METTL13: variants seen among roughly 807,000 people sequenced by gnomAD.
METTL13 encodes eEF1A lysine and N-terminal methyltransferase.
In METTL13, 52 loss-of-function variants were observed where a neutral mutation model predicts 67.4. That is an observed-to-expected ratio of 0.77 (90% confidence interval 0.62 to 0.97). The LOEUF (loss-of-function observed/expected upper bound fraction) is 0.97, where lower values mean the gene tolerates loss of function less well. METTL13 is among the 50% of genes least tolerant of loss of function. The pLI is 0.00. For synonymous variants in METTL13, 354 were observed against 353.6 expected, an observed-to-expected ratio of 1.00 and a Z score of -0.01; for missense variants, 825 against 889.6, an observed-to-expected ratio of 0.93 and a Z score of 0.92.
Position 171,796,734 on chromosome 1 carries a change from TC to T in METTL13, c.2079del (p.Lys694ArgfsTer3). 6.2e-7 allele frequency: 1 copy of T among 1,613,938 alleles called. No homozygotes were observed. Among genetic ancestry groups the T allele is most frequent in the Non-Finnish European group, 8.5e-7 (1 of 1,179,882 alleles). On this transcript the variant is annotated frameshift_variant, in exon 8 of 8. Coordinates refer to ENST00000361735, the MANE Select transcript of METTL13 (RefSeq NM_015935.5). LOFTEE classifies it high-confidence loss of function. ...GACACGTATGTCTTGTCAGATATGC[TC>T]AAGACGGTGAAAATTGTGTGACTGC... The part of the protein sequence containing the change: ...WDDTYVLSDM[L>X]KTVKIV
intron 4 of METTL13, among the ~76,000 whole-genome samples, chr1:171,789,673 T>C (rs1057037129): frequency 2.0e-5 from 3 of 152,214 alleles, no homozygotes; most frequent in Admixed American, 2.0e-4. Context: ...TAAAAGACTT[T>C]ATGAGTAATC....
intron 3 of METTL13, 52 bp downstream of exon 3, chr1:171,786,130 C>T: frequency 6.5e-7 from 1 of 1,550,272 alleles, no homozygotes. Flanking sequence ...ATGTTAGCAG[C>T]CAGGGAGGCA....
At chr1:171,792,541 C>T (rs1015949342) in intron 6 of METTL13, among the ~76,000 whole-genome samples, 2 of 152,154 alleles carry the variant, frequency 1.3e-5, no homozygotes, top group African/African-American at 4.8e-5. Context: ...AACCTGAAGT[C>T]TAACTGGGCA....
chr1:171,781,763 T>A lies in METTL13; in HGVS notation c.-205T>A. On this transcript the variant is annotated 5_prime_UTR_variant, in exon 1 of 8. Transcript: ENST00000361735. ...GCGCGGAGGAGGGGGCAAGCGTGTG[T>A]GAGATTCAGTGGTCCATGCGTGCGT... is the stretch of plus-strand genomic sequence containing the variant. 2.2e-6 allele frequency: 3 copies of A among 1,360,760 alleles called. No homozygotes were observed. Among genetic ancestry groups the A allele is most frequent in the Non-Finnish European group, 2.9e-6 (3 of 1,045,190 alleles). 84.3% of individuals were successfully genotyped at this position (1,360,760 alleles called of 1,614,324 possible). A position where few individuals can be genotyped will look rare whatever the true frequency, so the allele number is the denominator to read the frequency against.
chr1:171,787,791 C>G lies in METTL13; in HGVS notation c.1170C>G (p.Asp390Glu). The G allele has an allele frequency of 6.2e-7, 1 of 1,614,210 alleles. No homozygotes were observed. The highest frequency in any genetic ancestry group is 8.5e-7 in the Non-Finnish European group (1 of 1,180,036). The part of the protein sequence containing the change: ...DIGVRTVQHQ[D>E]CSPLSGDYVI... ...GGGTCCGGACCGTTCAGCACCAAGA[C>G]TGCAGCCCCTTGAGCGGTGACTATG... is the stretch of plus-strand genomic sequence containing the variant. The change falls in exon 4 of 8, where the codon GAC (aspartate) becomes GAG (glutamate). Residue 390 changes from aspartate to glutamate, a missense_variant. Transcript: ENST00000361735.
At chr1:171,792,263 T>A in intron 6 of METTL13, 28 bp downstream of exon 6, 1 of 1,611,052 alleles carries the variant, frequency 6.2e-7, no homozygotes, top group East Asian at 2.2e-5. Context: ...TTTGAAGGGG[T>A]GTTGAGGGAT....
chr1:171,792,230 G>A lies in METTL13; in HGVS notation c.1688G>A (p.Gly563Glu). Reference protein sequence around the residue: ...LDYIASLAGGGEARPCYDVIM... With the variant: ...LDYIASLAGGEEARPCYDVIM... Reference sequence around the variant, plus strand: ...TATATCGCCAGCTTGGCAGGAGGAGGAGAAGGTACTGCTCTTGGAGCATTT... The same window carrying A: ...TATATCGCCAGCTTGGCAGGAGGAGAAGAAGGTACTGCTCTTGGAGCATTT... The change falls in exon 6 of 8, where the codon GGA becomes GAA. Residue 563 changes from glycine to glutamate, a missense_variant. Coordinates refer to ENST00000361735, the MANE Select transcript of METTL13 (RefSeq NM_015935.5). The A allele has an allele frequency of 6.2e-7, 1 of 1,614,142 alleles. No individual in the cohort carries two copies.
rs952269525 is a variant in METTL13 at position 171,790,351 on chromosome 1, G to T, written c.1310-101G>T. 7.0e-6 allele frequency: 9 copies of T among 1,293,338 alleles called. No individual in the cohort carries two copies. The East Asian group carries it at 2.2e-4, about 32-fold the overall frequency. The allele number at this position is 1,293,338 out of a possible 1,614,324, so 80.1% of individuals were successfully genotyped here. A position where few individuals can be genotyped will look rare whatever the true frequency, so the allele number is the denominator to read the frequency against. Reference sequence around the variant, plus strand: ...CAGTTTGCAAAATTTTAACGATTGGGTCTTTTGAGTGTTCAAGCCATCTGG... The same window carrying T: ...CAGTTTGCAAAATTTTAACGATTGGTTCTTTTGAGTGTTCAAGCCATCTGG... On this transcript the variant is annotated intron_variant, in intron 4 of 7. Transcript: ENST00000361735.
At chr1:171,794,324 G>A in intron 6 of METTL13, 72 bp from the exon 7 acceptor site, 1 of 1,598,242 alleles carries the variant, frequency 6.3e-7, no homozygotes, top group Non-Finnish European at 8.6e-7. Context: ...TAAAGAGGAG[G>A]TATAGTGTTG....
chr1:171,793,205 A>G (rs551865596), intron 6 of METTL13, among the ~76,000 whole-genome samples: 2 of 152,366 alleles, frequency 1.3e-5, no homozygotes, highest in Admixed American at 1.3e-4. Context: ...ACAAGTATTG[A>G]ACAGATGCTA....
rs2029863190 is a variant in METTL13 at position 171,796,963 on chromosome 1, CT to C, written c.*209del. On this transcript the variant is annotated 3_prime_UTR_variant, in exon 8 of 8. Coordinates refer to ENST00000361735, the MANE Select transcript of METTL13 (RefSeq NM_015935.5). ...TCCCATCTTGTCCTCTTCAGTACCA[CT>C]TGGGTTGGTTTGTCTTTGCTTCCTA... 1.6e-6 allele frequency: 1 copy of C among 632,320 alleles called. No homozygotes were observed. The highest frequency in any genetic ancestry group is 2.6e-6 in the Non-Finnish European group (1 of 383,248). 39.2% of individuals were successfully genotyped at this position (632,320 alleles called of 1,614,324 possible). A position where few individuals can be genotyped will look rare whatever the true frequency, so the allele number is the denominator to read the frequency against.
chr1:171,796,176 T>G (rs1657367788), intron 7 of METTL13, among the ~76,000 whole-genome samples: 1 of 152,308 alleles, frequency 6.6e-6, no homozygotes, highest in East Asian at 1.9e-4. Context: ...TGGGAATCAC[T>G]TCTTTCTCAA....
chr1:171,781,884 G>T lies in METTL13; in HGVS notation c.-84G>T, dbSNP rs1250841702. 5 of 1,575,264 alleles carry T rather than the reference G, an allele frequency of 3.2e-6. No individual in the cohort carries two copies. Among genetic ancestry groups the T allele is most frequent in the Admixed American group, 3.6e-5 (2 of 55,416 alleles). ...AGAATTCCCACTGCAGTGTCCCGGA[G>T]CCTGCGTGTGGTGGGCAAGCTCCTC... On this transcript the variant is annotated 5_prime_UTR_variant, in exon 1 of 8. Coordinates refer to ENST00000361735, the MANE Select transcript of METTL13 (RefSeq NM_015935.5).
intron 7 of METTL13, among the ~76,000 whole-genome samples, chr1:171,794,877 TG>T (rs1372451720): frequency 6.6e-6 from 1 of 152,120 alleles, no homozygotes; most frequent in African/African-American, 2.4e-5. Context: ...TGGAGTGCAG[TG>T]GCCTGATCAT....
chr1:171,790,460 A>T lies in METTL13; in HGVS notation c.1318A>T (p.Lys440Ter). The change falls in exon 5 of 8, where the codon AAG becomes TAG. Residue 440 changes from lysine (K) to a stop codon, truncating the protein, a stop_gained. Transcript: ENST00000361735. LOFTEE classifies it high-confidence loss of function. ...LKDVSHKAQK[K>*]RKKDRKKQRP... ...TCATATCTCTTGTTTAGCCCAGAAG[A>T]AGCGGAAAAAGGACAGGAAGAAGCA... 1 of 1,595,866 alleles carries T rather than the reference A, an allele frequency of 6.3e-7. No individual in the cohort carries two copies. The highest frequency in any genetic ancestry group is 2.2e-5 in the East Asian group (1 of 44,470).
At chr1:171,782,639 C>T (rs991437516) in intron 1 of METTL13, among the ~76,000 whole-genome samples, 3 of 152,034 alleles carry the variant, frequency 2.0e-5, no homozygotes, top group Non-Finnish European at 4.4e-5. Flanking sequence ...GGATTAATAA[C>T]CCTACTTGAA....
At chr1:171,791,644 T>C (rs566418911) in intron 5 of METTL13, among the ~76,000 whole-genome samples, 2 of 152,248 alleles carry the variant, frequency 1.3e-5, no homozygotes, top group South Asian at 2.1e-4. Context: ...TTTTCTACTT[T>C]CTATAGACAG....
At chr1:171,785,089 G>A (rs1424532608) in intron 2 of METTL13, among the ~76,000 whole-genome samples, 2 of 152,210 alleles carry the variant, frequency 1.3e-5, no homozygotes, top group Admixed American at 6.5e-5. Flanking sequence ...TGATGGGATT[G>A]TAACTCTGGT....
At position 171,790,427 on chromosome 1, in the gene METTL13, A is replaced by G. The variant is rs965875255; in HGVS notation, c.1310-25A>G. On this transcript the variant is annotated intron_variant, in intron 4 of 7. Transcript: ENST00000361735. ...CTTCCTGAGGACTAGTGTACTAAGC[A>G]TAGGGCTTCATATCTCTTGTTTAGC... The G allele has an allele frequency of 2.6e-6, 4 of 1,562,534 alleles. No individual in the cohort carries two copies. The African/African-American group carries it at 4.1e-5, about 16-fold the overall frequency.
Sources: gnomAD v4.1 joint callset for allele counts (sites outside exome capture counted in the v4.1 genomes callset) on GRCh38, gnomAD v4.1.1 for gene constraint, MANE v1.5 for transcripts, NCBI Gene and HGNC (gene_info 2026-07-23, HGNC 2026-07-21) for gene names.